The following LDB3 variants were observed in gnomAD, a reference collection of about 807,000 sequenced individuals.
LDB3 encodes LIM domain-binding protein 3.
Under a neutral mutation model 69.0 loss-of-function variants are expected in LDB3, and 49 were observed. That is an observed-to-expected ratio of 0.71 (90% confidence interval 0.56 to 0.90). The LOEUF (loss-of-function observed/expected upper bound fraction) is 0.90, where lower values mean the gene tolerates loss of function less well. Among genes scored for constraint, LDB3 ranks in the 40% least tolerant of loss-of-function variants. The pLI is 0.00. For synonymous variants in LDB3, 387 were observed against 396.2 expected, an observed-to-expected ratio of 0.98 and a Z score of 0.28; for missense variants, 928 against 974.1, an observed-to-expected ratio of 0.95 and a Z score of 0.63.
At position 86,679,510 on chromosome 10, in the gene LDB3, C is replaced by T; in HGVS notation, c.237C>T (p.Thr79=). 1.2e-6 allele frequency: 2 copies of T among 1,613,926 alleles called. No individual in the cohort carries two copies. Among genetic ancestry groups the T allele is most frequent in the Non-Finnish European group, 1.7e-6 (2 of 1,180,026 alleles). ...CTGCCAGCTACAACTTGAGCCTCAC[C>T]CTGCAGAAGTAGGTGGGAGCTCTCC... is the stretch of plus-strand genomic sequence containing the variant. ...IKSASYNLSL[T]LQKSKRPIPI... The change falls in exon 3 of 14, where the codon ACC becomes ACT. Residue 79 remains threonine, a synonymous_variant. Transcript: ENST00000361373.
At chr10:86,689,776 G>A (rs576878440) in intron 5 of LDB3, among the ~76,000 whole-genome samples, 21 of 152,320 alleles carry the variant, frequency 1.4e-4, no homozygotes, top group African/African-American at 4.8e-4. Flanking sequence ...TCAGACTGGG[G>A]GCTGCACACA....
At chr10:86,727,500 G>A (rs1204100391) in intron 13 of LDB3, among the ~76,000 whole-genome samples, 42 of 152,064 alleles carry the variant, frequency 2.8e-4, no homozygotes, top group African/African-American at 4.8e-5. Context: ...TCCACACTTC[G>A]CTTCCATACC....
At chr10:86,702,532 C>G (rs751783966) in intron 7 of LDB3, among the ~76,000 whole-genome samples, 1 of 152,182 alleles carries the variant, frequency 6.6e-6, no homozygotes, top group Non-Finnish European at 1.5e-5. Context: ...GCCACGCCAA[C>G]CCCCCATGGA....
intron 13 of LDB3, among the ~76,000 whole-genome samples, chr10:86,728,919 G>A (rs2132509245): frequency 1.3e-5 from 2 of 150,058 alleles, no homozygotes; most frequent in East Asian, 4.1e-4. Flanking sequence ...CTTTTGATTG[G>A]AAAACTTTGA....
chr10:86,672,045 G>A (rs1241952807), intron 2 of LDB3, among the ~76,000 whole-genome samples: 1 of 152,218 alleles, frequency 6.6e-6, no homozygotes, highest in Non-Finnish European at 1.5e-5. Context: ...CCAGGAGGCA[G>A]AGGTTGCAGT....
chr10:86,688,255 C>T (rs1397162422), intron 5 of LDB3, among the ~76,000 whole-genome samples: 2 of 152,110 alleles, frequency 1.3e-5, no homozygotes, highest in African/African-American at 4.8e-5. Flanking sequence ...GACAGTGATG[C>T]TTTTTTCCAA....
In LDB3 at chr10:86,721,116, C is replaced by G. The variant is rs773085431; in HGVS notation, c.1978+2269C>G. On this transcript the variant is annotated intron_variant, in intron 12 of 13. Transcript: ENST00000361373. ...TGAGCCACCGTGCCTATTTTTGATTCTGTTCTATTTTTGATTTTGTAAGGA... is the reference window on the plus strand; with the variant it reads ...TGAGCCACCGTGCCTATTTTTGATTGTGTTCTATTTTTGATTTTGTAAGGA... Among the ~76,000 whole-genome samples, 82 of 152,164 alleles carry G rather than the reference C, an allele frequency of 5.4e-4. 1 individual carries two copies. The highest frequency in any genetic ancestry group is 7.4e-5 in the Non-Finnish European group (5 of 68,016).
Position 86,668,716 on chromosome 10 carries a change from G to A in LDB3, c.25G>A (p.Gly9Arg). 6.2e-7 allele frequency: 1 copy of A among 1,613,358 alleles called. No individual in the cohort carries two copies. Among genetic ancestry groups the A allele is most frequent in the African/African-American group, 1.3e-5 (1 of 75,054 alleles). ...CATGTCTTACAGTGTGACCCTGACT[G>A]GGCCCGGGCCCTGGGGCTTCCGTCT... is the stretch of plus-strand genomic sequence containing the variant. MSYSVTLT[G>R]PGPWGFRLQG... The change falls in exon 2 of 14, where the codon GGG (glycine) becomes AGG (arginine). Residue 9 changes from glycine to arginine, a missense_variant. Physicochemically the swap from Gly to Arg is moderately radical, Grantham distance 125. Transcript: ENST00000361373.
intron 11 of LDB3, 132 bp downstream of exon 11, chr10:86,718,276 G>T: frequency 1.2e-6 from 1 of 852,418 alleles, no homozygotes; most frequent in Non-Finnish European, 2.0e-6. Context: ...TCCTAAAAGG[G>T]AATTGGTTTG....
chr10:86,677,952 C>T (rs1844890536), intron 2 of LDB3, among the ~76,000 whole-genome samples: 1 of 152,214 alleles, frequency 6.6e-6, no homozygotes, highest in Admixed American at 6.5e-5. Context: ...TCCCTTTTCT[C>T]CTGGAGTCTG....
At position 86,735,052 on chromosome 10, in the gene LDB3, T is replaced by TACACACACACAC. The variant is rs56209295; in HGVS notation, c.*2113_*2124dup. ...TTCCAAAATCTCTTTTTAAAGGGTTTACACACACACACACACACACACACA... is the reference window on the plus strand; with the variant it reads ...TTCCAAAATCTCTTTTTAAAGGGTTTACACACACACACACACACACACACACACACACACACA... On this transcript the variant is annotated 3_prime_UTR_variant, in exon 14 of 14. Coordinates refer to ENST00000361373, the MANE Select transcript of LDB3 (RefSeq NM_007078.3). 1 of 112,390 alleles carries TACACACACACAC rather than the reference T, an allele frequency of 8.9e-6. No individual in the cohort carries two copies. The highest frequency in any genetic ancestry group is 1.7e-5 in the Non-Finnish European group (1 of 57,436). 7.0% of individuals were successfully genotyped at this position (112,390 alleles called of 1,614,324 possible).
intron 2 of LDB3, among the ~76,000 whole-genome samples, chr10:86,675,012 T>G (rs1232826696): frequency 6.6e-6 from 1 of 152,006 alleles, no homozygotes; most frequent in Non-Finnish European, 1.5e-5. Flanking sequence ...CCCTGAGGGA[T>G]GTTGGACCCT....
intron 10 of LDB3, among the ~76,000 whole-genome samples, chr10:86,717,616 T>G (rs547189430): frequency 6.6e-6 from 1 of 152,262 alleles, no homozygotes; most frequent in Non-Finnish European, 1.5e-5. Flanking sequence ...AAAAGTCTTC[T>G]TGAATAGAGC....
At chr10:86,692,667 A>C in intron 7 of LDB3, 96 bp downstream of exon 7, 1 of 1,115,462 alleles carries the variant, frequency 9.0e-7, no homozygotes, top group Non-Finnish European at 1.4e-6. Flanking sequence ...GGGACCTCTC[A>C]AGTTCATGGA....
chr10:86,670,189 T>C (rs1844384484), intron 2 of LDB3, among the ~76,000 whole-genome samples: 1 of 152,130 alleles, frequency 6.6e-6, no homozygotes, highest in Non-Finnish European at 1.5e-5. Context: ...CATCCTTCAG[T>C]TGCAGATGTG....
rs542658215 is a variant in LDB3, at chr10:86,699,146, T to C, written c.896+6575T>C. On this transcript the variant is annotated intron_variant, in intron 7 of 13. Coordinates refer to ENST00000361373, the MANE Select transcript of LDB3 (RefSeq NM_007078.3). The surrounding 1 kb of genome is among the most constrained non-coding windows in gnomAD (Gnocchi z 4.9). ...AGCCCGTTCCCTCCCTCCCATGCCC[T>C]CTGCCCCACCTGTTAGACAGGGGAA... 403 of 1,000,624 alleles carry C rather than the reference T, an allele frequency of 4.0e-4. 5 individuals carry two copies. The highest frequency in any genetic ancestry group is 3.8e-3 in the South Asian group (293 of 77,736). The allele number at this position is 1,000,624 out of a possible 1,614,324, so 62.0% of individuals were successfully genotyped here.
Position 86,668,526 on chromosome 10 carries a change from T to C in LDB3, c.-68T>C, listed in dbSNP as rs576319802. 17 of 704,076 alleles carry C rather than the reference T, an allele frequency of 2.4e-5. No homozygotes were observed. In the East Asian group the frequency reaches 4.6e-4, roughly 19 times the overall value. 43.6% of individuals were successfully genotyped at this position (704,076 alleles called of 1,614,324 possible). A position where few individuals can be genotyped will look rare whatever the true frequency, so the allele number is the denominator to read the frequency against. ...GCTCCCAGCTATTCTTAGGAGCCTC[T>C]CAAGAGCTCCACGCAGCCCGGCTGG... is the stretch of plus-strand genomic sequence containing the variant. On this transcript the variant is annotated 5_prime_UTR_variant, in exon 1 of 14. Coordinates refer to ENST00000361373, the MANE Select transcript of LDB3 (RefSeq NM_007078.3).
chr10:86,716,480 C>T lies in LDB3; in HGVS notation c.1385C>T (p.Thr462Ile), dbSNP rs760840320. Residue 462 changes from threonine (T) to isoleucine (I), a missense_variant, in exon 10 of 14, where the codon ACC becomes ATC. Coordinates refer to ENST00000361373, the MANE Select transcript of LDB3 (RefSeq NM_007078.3). ...ACTCCATCCCCAGCACCAGCCTATA[C>T]CCCCTCACCTGCCCCCAACTATAAC... ...TYTPSPAPAYTPSPAPNYNPA... is the reference protein window; with the variant it reads ...TYTPSPAPAYIPSPAPNYNPA... The T allele has an allele frequency of 1.9e-6, 3 of 1,601,034 alleles. No individual in the cohort carries two copies. The highest frequency in any genetic ancestry group is 2.6e-6 in the Non-Finnish European group (3 of 1,173,206).
intron 9 of LDB3, among the ~76,000 whole-genome samples, chr10:86,711,285 G>A (rs570741364): frequency 1.6e-4 from 25 of 152,210 alleles, no homozygotes; most frequent in Admixed American, 9.1e-4. Context: ...GGGCTCCGGG[G>A]GCGCGCGGCC....
Sources: gnomAD v4.1 joint callset for allele counts (sites outside exome capture counted in the v4.1 genomes callset) on GRCh38, gnomAD v4.1.1 for gene constraint, Gnocchi (gnomAD v3.1) non-coding constraint, MANE v1.5 for transcripts, NCBI Gene and HGNC (gene_info 2026-07-23, HGNC 2026-07-21) for gene names.